The following CTNNA2 variants were observed in gnomAD, a reference collection of about 807,000 sequenced individuals.
CTNNA2 encodes catenin alpha-2.
CTNNA2 carries 42 observed loss-of-function variants against 101.0 expected under a neutral mutation model. The ratio of observed to expected loss-of-function variants is 0.42; its 90% CI spans 0.32 to 0.54. CTNNA2 has a LOEUF of 0.54. Ranked by LOEUF, CTNNA2 falls within the 20% of genes least tolerant of loss-of-function variation. CTNNA2 has a pLI of 0.14. For missense variants in CTNNA2, 871 were observed against 1,223.1 expected, an observed-to-expected ratio of 0.71 and a Z score of 4.29; for synonymous variants, 450 against 456.4, an observed-to-expected ratio of 0.99 and a Z score of 0.18.
intron 2 of CTNNA2, among the ~76,000 whole-genome samples, chr2:79,300,515 G>A (rs1218135265): frequency 1.3e-5 from 2 of 152,126 alleles, no homozygotes; most frequent in Non-Finnish European, 2.9e-5. Context: ...ACTGAGGGAA[G>A]ACTGGTTTAT....
At chr2:80,427,108 G>T (rs1681065577) in intron 9 of CTNNA2, among the ~76,000 whole-genome samples, 1 of 151,980 alleles carries the variant, frequency 6.6e-6, no homozygotes. Flanking sequence ...CATATAGCAG[G>T]TATTCAAGAA....
At chr2:80,387,413 C>G (rs913791936) in intron 7 of CTNNA2, among the ~76,000 whole-genome samples, 1 of 152,094 alleles carries the variant, frequency 6.6e-6, no homozygotes, top group Non-Finnish European at 1.5e-5. Flanking sequence ...AAATCCATTA[C>G]AAACACCTTC....
At chr2:80,640,232 GT>G (rs1255125798) in intron 18 of CTNNA2, among the ~76,000 whole-genome samples, 2 of 152,300 alleles carry the variant, frequency 1.3e-5, no homozygotes, top group South Asian at 2.1e-4. Flanking sequence ...ACAGAATCAA[GT>G]TTTTTTGGAC....
intron 1 of CTNNA2, among the ~76,000 whole-genome samples, chr2:79,196,021 C>T (rs1673955901): frequency 6.6e-6 from 1 of 152,092 alleles, no homozygotes; most frequent in Non-Finnish European, 1.5e-5. Context: ...AATGCAATCT[C>T]CGCCTCCCAG....
chr2:80,471,904 T>A (rs952120376), intron 9 of CTNNA2, among the ~76,000 whole-genome samples: 2 of 151,770 alleles, frequency 1.3e-5, no homozygotes, highest in Non-Finnish European at 2.9e-5. Context: ...GGTGAGTGGA[T>A]CATGTGAGGT....
intron 7 of CTNNA2, among the ~76,000 whole-genome samples, chr2:80,358,966 C>T (rs946293694): frequency 1.3e-5 from 2 of 151,712 alleles, no homozygotes; most frequent in African/African-American, 4.8e-5. Flanking sequence ...TCCATTCTAT[C>T]CTATCACAGA....
chr2:79,729,022 A>C (rs1687039228), intron 2 of CTNNA2, among the ~76,000 whole-genome samples: 1 of 151,962 alleles, frequency 6.6e-6, no homozygotes, highest in Non-Finnish European at 1.5e-5. Flanking sequence ...ATGCTATATA[A>C]AACTTACCAT....
chr2:79,305,796 A>T (rs1315461343), intron 2 of CTNNA2, among the ~76,000 whole-genome samples: 1 of 152,182 alleles, frequency 6.6e-6, no homozygotes, highest in East Asian at 1.9e-4. Context: ...CTGTAATCCC[A>T]GCACTTTGGG....
intron 18 of CTNNA2, among the ~76,000 whole-genome samples, chr2:80,623,217 T>G (rs1286726952): frequency 6.6e-6 from 1 of 151,858 alleles, no homozygotes; most frequent in Non-Finnish European, 1.5e-5. Flanking sequence ...ATTGAGTATG[T>G]AATATGGGAT....
In CTNNA2 at chr2:80,302,791, G is replaced by A; in HGVS notation, c.1057-90420G>A. 6.2e-7 allele frequency: 1 copy of A among 1,613,598 alleles called. No individual in the cohort carries two copies. The highest frequency in any genetic ancestry group is 8.5e-7 in the Non-Finnish European group (1 of 1,179,900). On this transcript the variant is annotated intron_variant, in intron 7 of 18. Transcript: ENST00000402739. This position sits in a 1 kb window ranked among gnomAD's most constrained non-coding sequence, Gnocchi z 6.4. ...CCTCGCCCTGTGCGTACTCCGGGCT[G>A]GCGCACTGCAAGTTGCCATCGTAGC...
intron 7 of CTNNA2, among the ~76,000 whole-genome samples, chr2:80,300,074 G>A (rs547032391): frequency 2.3e-4 from 35 of 152,098 alleles, no homozygotes; most frequent in African/African-American, 8.4e-4. Flanking sequence ...CTCTTGGAGT[G>A]GTATGCTATT....
At chr2:79,876,583 G>A (rs80302744) in intron 6 of CTNNA2, among the ~76,000 whole-genome samples, 5,649 of 152,246 alleles carry the variant, frequency 0.037, 387 homozygotes, top group East Asian at 0.3. Context: ...GAAGGCCTGT[G>A]AACAGTCCAG....
At chr2:79,806,837 G>A (rs1309811336) in intron 3 of CTNNA2, among the ~76,000 whole-genome samples, 2 of 151,826 alleles carry the variant, frequency 1.3e-5, no homozygotes, top group African/African-American at 2.4e-5. Flanking sequence ...TATCCCCCAC[G>A]TGCCTCATAT....
chr2:79,569,922 T>C (rs988581678), intron 1 of CTNNA2, among the ~76,000 whole-genome samples: 1 of 152,348 alleles, frequency 6.6e-6, no homozygotes, highest in South Asian at 2.1e-4. Context: ...TGGTCTATTA[T>C]GACTAATTTA....
intron 17 of CTNNA2, among the ~76,000 whole-genome samples, chr2:80,611,437 G>A (rs966669146): frequency 6.6e-6 from 1 of 151,620 alleles, no homozygotes; most frequent in African/African-American, 2.4e-5. Context: ...AAATGTGACA[G>A]CATTATCTTA....
At chr2:79,346,565 T>C (rs906616635) in intron 3 of CTNNA2, among the ~76,000 whole-genome samples, 1 of 152,138 alleles carries the variant, frequency 6.6e-6, no homozygotes, top group African/African-American at 2.4e-5. Flanking sequence ...AGATCCCTCC[T>C]TGAAGCCCAT....
intron 4 of CTNNA2, 60 bp from the exon 5 acceptor site, chr2:79,869,755 AC>A (rs1341700224): frequency 6.4e-7 from 1 of 1,566,244 alleles, no homozygotes; most frequent in Non-Finnish European, 8.6e-7. Context: ...TCCATTTCTA[AC>A]ATGTTGAATA....
intron 2 of CTNNA2, among the ~76,000 whole-genome samples, chr2:79,688,463 AATAT>A (rs1270586457): frequency 6.6e-6 from 1 of 151,944 alleles, no homozygotes; most frequent in Non-Finnish European, 1.5e-5. Flanking sequence ...GGAAATTAAA[AATAT>A]ATATATCTAT....
rs980875259 is a variant in CTNNA2 at position 80,545,787 on chromosome 2, C to G, written c.1384-120C>G. On this transcript the variant is annotated intron_variant, in intron 10 of 18. Transcript: ENST00000402739. Reference sequence around the variant, plus strand: ...ATGTGTTTGATTGTCCTTCTGAACACCAAGAACCCACTTATCTGTAGAACG... The same window carrying G: ...ATGTGTTTGATTGTCCTTCTGAACAGCAAGAACCCACTTATCTGTAGAACG... The G allele has an allele frequency of 2.5e-5, 23 of 918,616 alleles. No individual in the cohort carries two copies. The African/African-American group carries it at 3.4e-4, about 13-fold the overall frequency. The allele number at this position is 918,616 out of a possible 1,614,324, so 56.9% of individuals were successfully genotyped here.
Sources: allele counts gnomAD v4.1 joint callset (sites outside exome capture counted in the v4.1 genomes callset), GRCh38; gene constraint gnomAD v4.1.1; non-coding constraint Gnocchi (gnomAD v3.1); transcripts MANE v1.5; gene names NCBI Gene and HGNC (gene_info 2026-07-23, HGNC 2026-07-21).